Variants in WDR44 observed in about 807,000 individuals in gnomAD.
WDR44 encodes WD repeat domain 44.
A neutral mutation model predicts 65.7 loss-of-function variants in WDR44; 9 were observed. The observed-to-expected ratio is 0.14, with a 90% CI of 0.08 to 0.24. The LOEUF (loss-of-function observed/expected upper bound fraction) is 0.24, where lower values mean the gene tolerates loss of function less well. Among genes scored for constraint, WDR44 ranks in the 10% least tolerant of loss-of-function variants. WDR44 has a pLI of 1.00. For synonymous variants in WDR44, 220 were observed against 235.2 expected, an observed-to-expected ratio of 0.94 and a Z score of 0.59; for missense variants, 425 against 670.9, an observed-to-expected ratio of 0.63 and a Z score of 4.05.
intron 12 of WDR44, among the ~76,000 whole-genome samples, chrX:118,432,177 C>T (rs2057217340): frequency 1.8e-5 from 2 of 111,622 alleles, no homozygotes; most frequent in South Asian, 3.7e-4. Context: ...TCAGTAGCAT[C>T]GTCCTACTAT....
At chrX:118,429,208 T>G (rs765715184) in intron 12 of WDR44, among the ~76,000 whole-genome samples, 1 of 111,351 alleles carries the variant, frequency 9.0e-6, no homozygotes, top group Non-Finnish European at 1.9e-5. Flanking sequence ...TTAAGAAGTA[T>G]TATTTTTTAA....
chrX:118,358,679 TG>T (rs1408919034), intron 1 of WDR44, among the ~76,000 whole-genome samples: 1 of 109,737 alleles, frequency 9.1e-6, no homozygotes, highest in Admixed American at 9.7e-5. Context: ...CACTCCAGCC[TG>T]GCGACAGAGC....
intron 1 of WDR44, among the ~76,000 whole-genome samples, chrX:118,351,099 A>G (rs182118814): frequency 8.9e-6 from 1 of 112,452 alleles, no homozygotes; most frequent in African/African-American, 3.2e-5. Flanking sequence ...CTTGCCTATC[A>G]GAGGTCTTGA....
chrX:118,404,515 T>G, intron 9 of WDR44, 71 bp downstream of exon 9: 1 of 789,180 alleles, frequency 1.3e-6, no homozygotes, highest in African/African-American at 2.1e-5. Flanking sequence ...GCCTGTAGTT[T>G]GTAAGAAGCA....
chrX:118,383,019 G>C (rs1357938276), intron 2 of WDR44, among the ~76,000 whole-genome samples: 1 of 111,782 alleles, frequency 8.9e-6, no homozygotes, highest in Non-Finnish European at 1.9e-5. Flanking sequence ...GGTGTTAGAA[G>C]GACCTGGATG....
rs538892961 is a variant in WDR44 at position 118,444,279 on chromosome X, A to G, written c.2513-81A>G. ...GTTACTTCTATGTTAGTTTTTAAGG[A>G]TATTTGGCATATAACATACACTATC... On this transcript the variant is annotated intron_variant, in intron 18 of 19. Transcript: ENST00000254029. 5.3e-4 allele frequency: 555 copies of G among 1,038,758 alleles called. 4 individuals are homozygous for G. The South Asian group carries it at 0.013, about 24-fold the overall frequency. The allele number at this position is 1,038,758 out of a possible 1,213,427, so 85.6% of individuals were successfully genotyped here.
intron 1 of WDR44, among the ~76,000 whole-genome samples, chrX:118,365,213 C>G (rs926517984): frequency 1.8e-5 from 2 of 112,312 alleles, no homozygotes; most frequent in African/African-American, 6.5e-5. Context: ...CAGTCTTTGT[C>G]TGAGCAATCA....
chrX:118,384,496 G>C (rs1408276438), intron 2 of WDR44, among the ~76,000 whole-genome samples: 1 of 111,601 alleles, frequency 9.0e-6, no homozygotes, highest in Non-Finnish European at 1.9e-5. Flanking sequence ...GTAGGTGTGC[G>C]GTCTTATTTC....
At chrX:118,353,068 T>C (rs1030532844) in intron 1 of WDR44, among the ~76,000 whole-genome samples, 4 of 112,243 alleles carry the variant, frequency 3.6e-5, no homozygotes, top group African/African-American at 1.3e-4. Context: ...ATAACCTATG[T>C]TTCTCATTTC....
chrX:118,422,575 C>A lies in WDR44; in HGVS notation c.1738-10206C>A, dbSNP rs56084535. Among the ~76,000 whole-genome samples the A allele has an allele frequency of 7.3e-3, 799 of 109,917 alleles. 6 individuals are homozygous for A. The highest frequency in any genetic ancestry group is 0.011 in the Non-Finnish European group (588 of 52,701). ...GGCATGGTGGCATGTGCCTATAATC[C>A]CAGCTACTTGGGAGGCTGGGGCAGG... On this transcript the variant is annotated intron_variant, in intron 12 of 19. Coordinates refer to ENST00000254029, the MANE Select transcript of WDR44 (RefSeq NM_019045.5).
rs5956958 is a variant in WDR44, at chrX:118,375,770, A to T, written c.78-2649A>T. Among the ~76,000 whole-genome samples the T allele has an allele frequency of 7.3e-3, 811 of 111,856 alleles. 4 individuals are homozygous for T. The highest frequency in any genetic ancestry group is 0.025 in the African/African-American group (771 of 30,887). On this transcript the variant is annotated intron_variant, in intron 1 of 19. Coordinates refer to ENST00000254029, the MANE Select transcript of WDR44 (RefSeq NM_019045.5). ...TTTCTGGAAATTGTCCTTTGTTAAC[A>T]CATATTTATATTGACCAGACATTGT...
chrX:118,354,439 A>G (rs988794251), intron 1 of WDR44, among the ~76,000 whole-genome samples: 6 of 109,757 alleles, frequency 5.5e-5, no homozygotes, highest in Admixed American at 9.8e-5. Flanking sequence ...AAAAAACTAT[A>G]GTTAAATTAT....
At chrX:118,393,425 C>CA (rs902162478) in intron 4 of WDR44, among the ~76,000 whole-genome samples, 154 bp downstream of exon 4, 7 of 108,608 alleles carry the variant, frequency 6.4e-5, no homozygotes, top group East Asian at 2.9e-4. Flanking sequence ...GCAACAACAA[C>CA]AAAAAAAAAT....
chrX:118,414,780 G>A (rs1455866679), intron 12 of WDR44, among the ~76,000 whole-genome samples: 2 of 111,694 alleles, frequency 1.8e-5, no homozygotes, highest in Non-Finnish European at 3.8e-5. Context: ...CTTTCTGGAG[G>A]AGTCTTTAGG....
chrX:118,441,669 A>C, intron 15 of WDR44, 110 bp downstream of exon 15: 1 of 594,297 alleles, frequency 1.7e-6, no homozygotes, highest in Non-Finnish European at 2.5e-6. Context: ...TTCTCTAAAT[A>C]GAGACAAATA....
At chrX:118,372,779 G>T (rs1305792075) in intron 1 of WDR44, among the ~76,000 whole-genome samples, 1 of 112,028 alleles carries the variant, frequency 8.9e-6, no homozygotes, top group South Asian at 3.7e-4. Flanking sequence ...GCAGGCGCAT[G>T]GCTGACTGTA....
intron 1 of WDR44, among the ~76,000 whole-genome samples, chrX:118,360,831 C>G (rs755367601): frequency 9.0e-5 from 10 of 111,684 alleles, no homozygotes; most frequent in Non-Finnish European, 1.9e-4. Flanking sequence ...CCTGGTGAAC[C>G]TTTTGTAGTC....
intron 3 of WDR44, among the ~76,000 whole-genome samples, chrX:118,389,771 G>A (rs150526239): frequency 0.016 from 1,692 of 107,773 alleles, 36 homozygotes; most frequent in African/African-American, 0.051. Flanking sequence ...GAGAGGAAAG[G>A]CATTACTGAA....
intron 12 of WDR44, among the ~76,000 whole-genome samples, chrX:118,412,778 A>T (rs2057022800): frequency 9.0e-6 from 1 of 111,205 alleles, no homozygotes; most frequent in African/African-American, 3.3e-5. Context: ...TTCTTTAGTG[A>T]TTTTGGTGCA....
Sources: allele counts gnomAD v4.1 joint callset (sites outside exome capture counted in the v4.1 genomes callset), GRCh38; gene constraint gnomAD v4.1.1; transcripts MANE v1.5; gene names NCBI Gene and HGNC (gene_info 2026-07-23, HGNC 2026-07-21).